PTK2: variants seen among roughly 807,000 people sequenced by gnomAD.
The protein encoded by PTK2 is protein tyrosine kinase 2.
PTK2 carries 45 observed loss-of-function variants against 150.1 expected under a neutral mutation model. The ratio of observed to expected loss-of-function variants is 0.30; its 90% CI spans 0.24 to 0.38. PTK2 has a LOEUF of 0.38. Ranked by LOEUF, PTK2 falls within the 10% of genes least tolerant of loss-of-function variation. PTK2 has a pLI of 1.00. For missense variants in PTK2, 919 were observed against 1,307.3 expected, an observed-to-expected ratio of 0.70 and a Z score of 4.58; for synonymous variants, 432 against 449.2, an observed-to-expected ratio of 0.96 and a Z score of 0.48.
chr8:140,972,381 C>T (rs1388432011), intron 1 of PTK2, among the ~76,000 whole-genome samples: 1 of 152,198 alleles, frequency 6.6e-6, no homozygotes, highest in East Asian at 1.9e-4. Context: ...TCACCTGCCT[C>T]GGCCTCCCGA....
chr8:140,726,439 A>T (rs1285513410), intron 22 of PTK2, among the ~76,000 whole-genome samples: 1 of 152,224 alleles, frequency 6.6e-6, no homozygotes, highest in East Asian at 1.9e-4. Context: ...ACTGACATTA[A>T]GAAAACCACA....
At chr8:140,878,827 C>CTT (rs755244200) in intron 4 of PTK2, among the ~76,000 whole-genome samples, 14 of 144,394 alleles carry the variant, frequency 9.7e-5, no homozygotes, top group African/African-American at 3.6e-4. Context: ...CTAGTAACAT[C>CTT]TTGAGTTGCT....
In PTK2 at chr8:140,949,863, C is replaced by T. The variant is rs115552080; in HGVS notation, c.-121-24114G>A. 2.5e-3 allele frequency among the ~76,000 whole-genome samples: 380 copies of T among 152,282 alleles called. 2 individuals carry two copies. Among genetic ancestry groups the T allele is most frequent in the African/African-American group, 8.6e-3 (356 of 41,560 alleles). ...AGCCCGGGAGCCAGGCCACCAGTTA[C>T]GGGTGGAGTCTACAGCCTGGAGTGA... On this transcript the variant is annotated intron_variant, in intron 1 of 31. Coordinates refer to ENST00000522684, the Ensembl canonical transcript of PTK2.
chr8:140,799,357 A>T (rs1398462831), intron 12 of PTK2: 1 of 152,238 alleles, frequency 6.6e-6, no homozygotes, highest in Non-Finnish European at 1.5e-5. Context: ...GCTGTTTAAT[A>T]CAATTCTGCT....
rs1012328657 is a variant in PTK2, at chr8:140,755,260, G to A, written c.1333-2944C>T. On this transcript the variant is annotated intron_variant, in intron 16 of 31. Transcript: ENST00000522684. ...AAGCCTGATAATCTTGCCTAATAAA[G>A]AAAAAAATGTGTGCCAATCAGATAA... Among the ~76,000 whole-genome samples, 5 of 152,062 alleles carry A rather than the reference G, an allele frequency of 3.3e-5. No homozygotes were observed. In the East Asian group the frequency reaches 9.6e-4, roughly 29 times the overall value.
chr8:141,001,609 C>T (rs1289639404), upstream of PTK2, among the ~76,000 whole-genome samples: 2 of 152,138 alleles, frequency 1.3e-5, no homozygotes, highest in South Asian at 2.1e-4. Context: ...TCTCCGCCAG[C>T]GGGATTAGAC....
chr8:140,770,470 T>G (rs980402257), intron 14 of PTK2, among the ~76,000 whole-genome samples: 2 of 152,202 alleles, frequency 1.3e-5, no homozygotes, highest in Non-Finnish European at 2.9e-5. Context: ...TGCCCTGTCA[T>G]GCATTTAAAA....
intron 27 of PTK2, among the ~76,000 whole-genome samples, chr8:140,685,294 G>T (rs954470697): frequency 6.6e-6 from 1 of 152,146 alleles, no homozygotes; most frequent in African/African-American, 2.4e-5. Context: ...AAAAACCCTT[G>T]AAGAAAACCC....
intron 16 of PTK2, among the ~76,000 whole-genome samples, chr8:140,753,910 T>C (rs923488311): frequency 2.6e-5 from 4 of 152,242 alleles, no homozygotes; most frequent in Non-Finnish European, 5.9e-5. Flanking sequence ...TATATTTCTT[T>C]TAAATGAAGA....
chr8:140,738,424 A>AC (rs2100053794), intron 21 of PTK2, among the ~76,000 whole-genome samples: 1 of 152,212 alleles, frequency 6.6e-6, no homozygotes, highest in African/African-American at 2.4e-5. Flanking sequence ...AATGAGAGCC[A>AC]CACTTCTACA....
At chr8:140,659,219 A>G (rs1036022255) in exon 32 of PTK2, 1 of 517,824 alleles carries the variant, frequency 1.9e-6, no homozygotes, top group Non-Finnish European at 3.4e-6. Context: ...TCATTCTTAG[A>G]AAAACGCCAC....
chr8:140,831,398 C>CTA (rs1291603853), intron 7 of PTK2, among the ~76,000 whole-genome samples: 1 of 152,162 alleles, frequency 6.6e-6, no homozygotes, highest in Non-Finnish European at 1.5e-5. Flanking sequence ...GAATCACATA[C>CTA]TATATCACAT....
chr8:140,964,960 G>A (rs999756732), intron 1 of PTK2, among the ~76,000 whole-genome samples: 4 of 152,028 alleles, frequency 2.6e-5, no homozygotes, highest in African/African-American at 9.7e-5. Context: ...ATTCACCAAT[G>A]GCTTTACAGA....
chr8:140,665,993 T>G (rs1015202804), intron 30 of PTK2, among the ~76,000 whole-genome samples: 1 of 152,214 alleles, frequency 6.6e-6, no homozygotes, highest in South Asian at 2.1e-4. Flanking sequence ...TTTTTCCACA[T>G]TGATGGTTTA....
chr8:140,744,321 C>T (rs1041099259), intron 19 of PTK2, among the ~76,000 whole-genome samples: 2 of 152,088 alleles, frequency 1.3e-5, no homozygotes, highest in Non-Finnish European at 2.9e-5. Flanking sequence ...TGCTCTGCTG[C>T]CAAGTACAGG....
chr8:140,773,901 G>A (rs1395485424), intron 14 of PTK2, among the ~76,000 whole-genome samples: 3 of 152,276 alleles, frequency 2.0e-5, no homozygotes, highest in African/African-American at 7.2e-5. Flanking sequence ...GTGCAGGATA[G>A]GGGTGAGGAG....
chr8:140,662,230 G>C (rs2081393692), intron 31 of PTK2, among the ~76,000 whole-genome samples: 1 of 151,966 alleles, frequency 6.6e-6, no homozygotes, highest in African/African-American at 2.4e-5. Context: ...TCAGGAGTTG[G>C]AGGTTATAGT....
In PTK2 at chr8:140,947,778, C is replaced by T. The variant is rs1487248537; in HGVS notation, c.-121-22029G>A. ...ATCTTGATGAGGCTTTGGGCCTGGCCATGAGGTATTGGGGAGGGCTGATGT... is the reference window on the plus strand; with the variant it reads ...ATCTTGATGAGGCTTTGGGCCTGGCTATGAGGTATTGGGGAGGGCTGATGT... On this transcript the variant is annotated intron_variant, in intron 1 of 31. Transcript: ENST00000522684. Among the ~76,000 whole-genome samples, 6 of 152,028 alleles carry T rather than the reference C, an allele frequency of 3.9e-5. 1 individual carries two copies. In the South Asian group the frequency reaches 8.3e-4, roughly 21 times the overall value.
intron 12 of PTK2, among the ~76,000 whole-genome samples, chr8:140,799,044 A>C (rs1026745054): frequency 1.3e-5 from 2 of 152,328 alleles, no homozygotes; most frequent in African/African-American, 4.8e-5. Flanking sequence ...GTGGGAAAAC[A>C]CTTTTCCTTT....
Sources: allele counts gnomAD v4.1 joint callset (sites outside exome capture counted in the v4.1 genomes callset), GRCh38; gene constraint gnomAD v4.1.1; transcripts MANE v1.5; gene names NCBI Gene and HGNC (gene_info 2026-07-23, HGNC 2026-07-21).